NSMAF: variants seen among roughly 807,000 people sequenced by gnomAD.
The protein encoded by NSMAF is protein FAN.
NSMAF carries 90 observed loss-of-function variants against 134.9 expected under a neutral mutation model. The observed-to-expected ratio is 0.67, with a 90% CI of 0.56 to 0.79. The LOEUF (loss-of-function observed/expected upper bound fraction) is 0.79, where lower values mean the gene tolerates loss of function less well. Ranked by LOEUF, NSMAF falls within the 30% of genes least tolerant of loss-of-function variation. The probability of loss-of-function intolerance (pLI) is 0.00; values close to 1 mark genes in which losing one functional copy is unlikely to be tolerated. For missense variants in NSMAF, 1,010 were observed against 1,119.0 expected, an observed-to-expected ratio of 0.90 and a Z score of 1.39; for synonymous variants, 358 against 389.6, an observed-to-expected ratio of 0.92 and a Z score of 0.96.
At chr8:58,606,392 G>A (rs930522083) in intron 11 of NSMAF, among the ~76,000 whole-genome samples, 44 of 152,064 alleles carry the variant, frequency 2.9e-4, no homozygotes, top group Non-Finnish European at 1.2e-4. Context: ...AAACATAAAT[G>A]TCTAGCTTTC....
Position 58,609,643 on chromosome 8 carries a change from C to T in NSMAF, c.648G>A (p.Thr216=), listed in dbSNP as rs2129142397. ...GGGGCTGAAAATACAGGTTTGTGTC[C>T]GTGATGCACACGTGTCCAGGATTAG... is the stretch of plus-strand genomic sequence containing the variant. ...LVTNPGHVCI[T]DTNLYFQPLN... is the part of the protein sequence containing the mutation. Residue 216 remains threonine (T), a synonymous_variant, in exon 10 of 31, where the codon ACG becomes ACA. Transcript: ENST00000038176. 2 of 1,614,132 alleles carry T rather than the reference C, an allele frequency of 1.2e-6. No individual in the cohort carries two copies. Among genetic ancestry groups the T allele is most frequent in the Middle Eastern group, 1.6e-4 (1 of 6,062 alleles).
intron 16 of NSMAF, chr8:58,600,310 A>AG (rs1463970654): frequency 5.6e-6 from 2 of 354,752 alleles, no homozygotes; most frequent in Non-Finnish European, 1.0e-5. Flanking sequence ...CAAATGGAGC[A>AG]GGGTGCCTCC....
At chr8:58,624,427 C>T (rs909379743) in intron 6 of NSMAF, among the ~76,000 whole-genome samples, 1 of 151,638 alleles carries the variant, frequency 6.6e-6, no homozygotes, top group Non-Finnish European at 1.5e-5. Flanking sequence ...GTTTATACTG[C>T]TTTTGCTGCA....
At position 58,599,794 on chromosome 8, in the gene NSMAF, C is replaced by A. The variant is rs2129140847; in HGVS notation, c.1409G>T (p.Gly470Val). ...CTCCACGTCGTCAACCATCTGTCCTCCTTGTCTCTTTCCCAAATCCAACTT... is the reference window on the plus strand; with the variant it reads ...CTCCACGTCGTCAACCATCTGTCCTACTTGTCTCTTTCCCAAATCCAACTT... Reference protein sequence around the residue: ...SLKLDLGKRQGGQMVDDVELP... With the variant: ...SLKLDLGKRQVGQMVDDVELP... The change falls in exon 18 of 31, where the codon GGA becomes GTA. Residue 470 changes from glycine to valine, a missense_variant. By Grantham distance (109) the Gly-to-Val change is moderately radical. Coordinates refer to ENST00000038176, the MANE Select transcript of NSMAF (RefSeq NM_003580.4). 1 of 1,614,118 alleles carries A rather than the reference C, an allele frequency of 6.2e-7. No homozygotes were observed. Among genetic ancestry groups the A allele is most frequent in the Non-Finnish European group, 8.5e-7 (1 of 1,179,950 alleles).
At chr8:58,589,906 C>T in intron 25 of NSMAF, 101 bp downstream of exon 25, 1 of 922,888 alleles carries the variant, frequency 1.1e-6, no homozygotes, top group Non-Finnish European at 1.7e-6. Context: ...GAAAACAGTG[C>T]TGTGTCCTGG....
In NSMAF at chr8:58,594,244, TGA is replaced by T; in HGVS notation, c.1937_1938del (p.Phe646TyrfsTer13). 1 of 1,614,206 alleles carries T rather than the reference TGA, an allele frequency of 6.2e-7. No homozygotes were observed. The highest frequency in any genetic ancestry group is 8.5e-7 in the Non-Finnish European group (1 of 1,180,008). The stretch of plus-strand genomic sequence containing the variant: ...GAGGAACACTGACCTTGGGATGTTG[TGA>T]ATACTGAAGATCCATTGCGAGAGAC... Reference protein sequence around the residue: ...ITVSRNGSSVFTTSQDSTLKM... With the variant: ...ITVSRNGSSVXTTSQDSTLKM... On this transcript the variant is annotated frameshift_variant, in exon 23 of 31. Transcript: ENST00000038176. LOFTEE classifies it high-confidence loss of function.
chr8:58,609,512 A>G, intron 10 of NSMAF, 92 bp downstream of exon 10: 1 of 1,363,104 alleles, frequency 7.3e-7, no homozygotes, highest in Non-Finnish European at 1.0e-6. Context: ...CTTGATCCTC[A>G]TCAAAAAGTG....
At chr8:58,590,731 A>G in intron 24 of NSMAF, 136 bp downstream of exon 24, 1 of 915,870 alleles carries the variant, frequency 1.1e-6, no homozygotes, top group South Asian at 1.7e-5. Flanking sequence ...GAAGTAATCT[A>G]ACTAAGGTAT....
chr8:58,619,268 C>T (rs1002229015), intron 9 of NSMAF, among the ~76,000 whole-genome samples: 7 of 152,176 alleles, frequency 4.6e-5, no homozygotes, highest in African/African-American at 1.7e-4. Context: ...CTGGCAAGTT[C>T]TTTAACACAT....
chr8:58,625,760 G>A (rs1806915577), intron 6 of NSMAF, among the ~76,000 whole-genome samples: 1 of 152,036 alleles, frequency 6.6e-6, no homozygotes, highest in Admixed American at 6.6e-5. Context: ...TTTTTGATTG[G>A]GGAGTTTGAT....
At position 58,626,091 on chromosome 8, in the gene NSMAF, CTT is replaced by C. The variant is rs1225264071; in HGVS notation, c.385-2313_385-2312del. 6.8e-4 allele frequency among the ~76,000 whole-genome samples: 68 copies of C among 99,390 alleles called. 4 individuals are homozygous for C. The highest frequency in any genetic ancestry group is 4.6e-3 in the East Asian group (14 of 3,034). The allele number at this position is 99,390 out of a possible 152,430, so 65.2% of individuals were successfully genotyped here. On this transcript the variant is annotated intron_variant, in intron 6 of 30. Transcript: ENST00000038176. ...AGCCCCCAAAGTCCATTATATAATT[CTT>C]TTTTTTTTTTTTTTTTTTTGAGATG...
In NSMAF at chr8:58,623,434, C is replaced by G. The variant is rs753223287; in HGVS notation, c.457-10G>C. The G allele has an allele frequency of 1.5e-5, 24 of 1,610,928 alleles. No homozygotes were observed. The highest frequency in any genetic ancestry group is 8.4e-5 in the Admixed American group (5 of 59,438). ...AGGATGCTCTGTGAAGCTACAGTAT[C>G]ATAAACAGACATGAATTTATTTTTT... is the stretch of plus-strand genomic sequence containing the variant. On this transcript the variant is annotated splice_polypyrimidine_tract_variant and intron_variant, in intron 7 of 30. Transcript: ENST00000038176.
chr8:58,623,571 T>C (rs1806842307), intron 7 of NSMAF, 138 bp downstream of exon 7: 2 of 1,076,608 alleles, frequency 1.9e-6, no homozygotes, highest in African/African-American at 3.2e-5. Context: ...TATATAGTTT[T>C]TAAACTCAAC....
intron 30 of NSMAF, among the ~76,000 whole-genome samples, chr8:58,584,962 T>C (rs1412229067): frequency 2.0e-5 from 3 of 152,124 alleles, no homozygotes; most frequent in Non-Finnish European, 4.4e-5. Flanking sequence ...AGAAGAACCA[T>C]ATGAAGTCGA....
chr8:58,650,333 T>TAACC (rs1807555697), intron 1 of NSMAF, among the ~76,000 whole-genome samples: 1 of 152,214 alleles, frequency 6.6e-6, no homozygotes, highest in Non-Finnish European at 1.5e-5. Context: ...TTTGGGGCTT[T>TAACC]AACCTTTTTG....
intron 1 of NSMAF, among the ~76,000 whole-genome samples, chr8:58,650,120 G>C (rs894500425): frequency 6.6e-6 from 1 of 152,152 alleles, no homozygotes; most frequent in African/African-American, 2.4e-5. Flanking sequence ...CCCATCTTGC[G>C]AAAGTTCATC....
chr8:58,593,690 C>T (rs58306865), intron 23 of NSMAF, among the ~76,000 whole-genome samples: 5 of 152,184 alleles, frequency 3.3e-5, no homozygotes, highest in Non-Finnish European at 5.9e-5. Flanking sequence ...GGGATGCTTT[C>T]TGCTTTACAG....
chr8:58,659,307 A>G, intron 1 of NSMAF: 1 of 1,526,032 alleles, frequency 6.6e-7, no homozygotes, highest in Non-Finnish European at 8.8e-7. Flanking sequence ...ATAGCTCGGC[A>G]TGCCTCGGCT....
intron 10 of NSMAF, 50 bp from the exon 11 acceptor site, chr8:58,607,890 G>T: frequency 6.8e-7 from 1 of 1,470,722 alleles, no homozygotes; most frequent in Non-Finnish European, 9.5e-7. Flanking sequence ...GACACAATTA[G>T]AAGTTGTTCT....
Sources: allele counts gnomAD v4.1 joint callset (sites outside exome capture counted in the v4.1 genomes callset), GRCh38; gene constraint gnomAD v4.1.1; transcripts MANE v1.5; gene names NCBI Gene and HGNC (gene_info 2026-07-23, HGNC 2026-07-21).